ZNF483: variants seen among roughly 807,000 people sequenced by gnomAD.
ZNF483 encodes zinc finger protein HIT-10.
ZNF483 carries 9 observed loss-of-function variants against 28.6 expected under a neutral mutation model. That is an observed-to-expected ratio of 0.32 (90% confidence interval 0.19 to 0.55). ZNF483 has a LOEUF of 0.55. Ranked by LOEUF, ZNF483 falls within the 20% of genes least tolerant of loss-of-function variation. The probability of loss-of-function intolerance (pLI) is 0.93; values close to 1 mark genes in which losing one functional copy is unlikely to be tolerated. For missense variants in ZNF483, 675 were observed against 871.7 expected, an observed-to-expected ratio of 0.77 and a Z score of 2.84; for synonymous variants, 322 against 306.2, an observed-to-expected ratio of 1.05 and a Z score of -0.54.
At chr9:111,539,410 G>A (rs896532908) in intron 5 of ZNF483, 1 of 456,068 alleles carries the variant, frequency 2.2e-6, no homozygotes, top group Non-Finnish European at 4.4e-6. Flanking sequence ...CTACCCTTTG[G>A]TTTAGTAATT....
rs1234602999 is a variant in ZNF483 at position 111,541,904 on chromosome 9, C to T, written c.969C>T (p.Val323=). The change falls in exon 6 of 6, where the codon GTC becomes GTT. Residue 323 remains valine, a synonymous_variant. Transcript: ENST00000309235. The part of the protein sequence containing the change: ...ETSDLIKHLR[V]YLRKKSRRYN... The stretch of plus-strand genomic sequence containing the variant: ...CAGACTTAATTAAACATCTGAGAGT[C>T]TACTTGAGGAAGAAATCTCGGAGGT... 6.2e-7 allele frequency: 1 copy of T among 1,614,040 alleles called. No homozygotes were observed. The highest frequency in any genetic ancestry group is 1.1e-5 in the South Asian group (1 of 91,056).
chr9:111,525,949 T>C (rs2132205974), intron 1 of ZNF483, among the ~76,000 whole-genome samples: 1 of 152,312 alleles, frequency 6.6e-6, no homozygotes, highest in East Asian at 1.9e-4. Context: ...CCGCTCCGGC[T>C]GTATTGTCAT....
Position 111,552,539 on chromosome 9 carries a change from A to G in ZNF483, c.*9369A>G, listed in dbSNP as rs1297914983. 6.6e-6 allele frequency among the ~76,000 whole-genome samples: 1 copy of G among 152,204 alleles called. No homozygotes were observed. Among genetic ancestry groups the G allele is most frequent in the Non-Finnish European group, 1.5e-5 (1 of 68,024 alleles). On this transcript the variant is annotated 3_prime_UTR_variant, in exon 6 of 6. Transcript: ENST00000309235. Reference sequence around the variant, plus strand: ...GAGTTCCATCCTTGTGATAGAAACTAACTTTTCTGTCTCTAACTGAAATTC... The same window carrying G: ...GAGTTCCATCCTTGTGATAGAAACTGACTTTTCTGTCTCTAACTGAAATTC...
rs1162932491 is a variant in ZNF483 at position 111,547,244 on chromosome 9, A to G, written c.*4074A>G. ...TAACTTCTTGAGGAAGTGCAACTAC[A>G]CTATTTTAAATTCCCACCAGCTATG... is the stretch of plus-strand genomic sequence containing the variant. On this transcript the variant is annotated 3_prime_UTR_variant, in exon 6 of 6. Transcript: ENST00000309235. 6.6e-6 allele frequency among the ~76,000 whole-genome samples: 1 copy of G among 152,134 alleles called. No homozygotes were observed. Among genetic ancestry groups the G allele is most frequent in the Non-Finnish European group, 1.5e-5 (1 of 67,974 alleles).
rs1223799447 is a variant in ZNF483, at chr9:111,547,926, A to G, written c.*4756A>G. Among the ~76,000 whole-genome samples the G allele has an allele frequency of 6.6e-6, 1 of 152,174 alleles. No individual in the cohort carries two copies. The highest frequency in any genetic ancestry group is 1.5e-5 in the Non-Finnish European group (1 of 68,024). ...ATTCTTTGCACTCTTGTCAAAGATC[A>G]TTTGACCATATACATGCATGTTTAT... On this transcript the variant is annotated 3_prime_UTR_variant, in exon 6 of 6. Transcript: ENST00000309235.
chr9:111,536,283 G>T (rs560369040), intron 5 of ZNF483, among the ~76,000 whole-genome samples: 2 of 152,040 alleles, frequency 1.3e-5, no homozygotes, highest in South Asian at 2.1e-4. Context: ...ACTTTGGGAG[G>T]CTGAGGCAGG....
At chr9:111,569,355 T>G (rs1168420157) in intron 5 of ZNF483, among the ~76,000 whole-genome samples, 1 of 151,598 alleles carries the variant, frequency 6.6e-6, no homozygotes, top group Non-Finnish European at 1.5e-5. Context: ...AAACCAAGAG[T>G]TAAGGGAAGC....
At position 111,527,983 on chromosome 9, in the gene ZNF483, A is replaced by G. The variant is rs1589265225; in HGVS notation, c.412+176A>G. On this transcript the variant is annotated intron_variant, in intron 2 of 5. Coordinates refer to ENST00000309235, the MANE Select transcript of ZNF483 (RefSeq NM_133464.5). ...TTTTGGGCAAGCTGTGTAAACTCTC[A>G]GAATGTAAATATTTTTATCTGTTAA... 16 of 1,487,908 alleles carry G rather than the reference A, an allele frequency of 1.1e-5. No individual in the cohort carries two copies. In the East Asian group the frequency reaches 3.7e-4, roughly 34 times the overall value. 92.2% of individuals were successfully genotyped at this position (1,487,908 alleles called of 1,614,324 possible).
At chr9:111,530,463 A>G (rs1306811832) in intron 2 of ZNF483, among the ~76,000 whole-genome samples, 2 of 152,076 alleles carry the variant, frequency 1.3e-5, no homozygotes, top group East Asian at 3.9e-4. Flanking sequence ...GGGAACCCCA[A>G]TTTGTATCTT....
downstream of ZNF483, among the ~76,000 whole-genome samples, chr9:111,560,326 T>C (rs1828236039): frequency 6.6e-6 from 1 of 151,200 alleles, no homozygotes. Flanking sequence ...TACAAAAAAT[T>C]AGCCAGGCGT....
At chr9:111,561,601 C>A (rs1038394131) in intron 5 of ZNF483, among the ~76,000 whole-genome samples, 4 of 152,078 alleles carry the variant, frequency 2.6e-5, no homozygotes, top group Admixed American at 6.6e-5. Flanking sequence ...ATAAATCTTG[C>A]ACATTTTTGT....
In ZNF483 at chr9:111,554,025, C is replaced by T. The variant is rs972285832; in HGVS notation, c.*10855C>T. ...ATTGTGCAGTGTTTTTAAGCACTAGCCTAGAAACAGCTGAGAACCACAGGT... is the reference window on the plus strand; with the variant it reads ...ATTGTGCAGTGTTTTTAAGCACTAGTCTAGAAACAGCTGAGAACCACAGGT... On this transcript the variant is annotated 3_prime_UTR_variant, in exon 6 of 6. Transcript: ENST00000309235. Among the ~76,000 whole-genome samples the T allele has an allele frequency of 1.8e-4, 28 of 152,158 alleles. No homozygotes were observed. Among genetic ancestry groups the T allele is most frequent in the African/African-American group, 6.8e-4 (28 of 41,426 alleles).
chr9:111,531,689 T>G (rs145539915), intron 3 of ZNF483, among the ~76,000 whole-genome samples: 1 of 152,256 alleles, frequency 6.6e-6, no homozygotes, highest in Non-Finnish European at 1.5e-5. Context: ...CTTTTTTTCT[T>G]TTTAAGAGAT....
chr9:111,529,790 A>T (rs1827273917), intron 2 of ZNF483, among the ~76,000 whole-genome samples: 1 of 152,190 alleles, frequency 6.6e-6, no homozygotes, highest in East Asian at 1.9e-4. Context: ...TGTTTTAAAG[A>T]GTGGGACAAC....
Position 111,564,342 on chromosome 9 carries a change from G to C in ZNF483, c.722-12023G>C, listed in dbSNP as rs534777217. 2,680 of 565,308 alleles carry C rather than the reference G, an allele frequency of 4.7e-3. 14 individuals are homozygous for C. The highest frequency in any genetic ancestry group is 5.9e-3 in the Non-Finnish European group (2,522 of 427,214). The allele number at this position is 565,308 out of a possible 1,614,324, so 35.0% of individuals were successfully genotyped here. ...TTATTCTGAGACAGGGTCTCACTCT[G>C]TCACCTAGGTTTGAGTGCAGTGGCA... On this transcript the variant is annotated intron_variant, in intron 5 of 5. Coordinates refer to the ZNF483 transcript ENST00000358151.
chr9:111,555,819 G>T (rs1322263521), downstream of ZNF483, among the ~76,000 whole-genome samples: 1 of 152,206 alleles, frequency 6.6e-6, no homozygotes, highest in East Asian at 1.9e-4. Flanking sequence ...TAGTTCAACA[G>T]ATTTGGGTGG....
intron 5 of ZNF483, chr9:111,574,894 A>C (rs754026551): frequency 2.2e-6 from 3 of 1,373,024 alleles, no homozygotes; most frequent in Non-Finnish European, 3.1e-6. Flanking sequence ...CTAGAGATTC[A>C]GGAGAATCAT....
At chr9:111,536,840 A>G (rs933982885) in intron 5 of ZNF483, among the ~76,000 whole-genome samples, 4 of 151,988 alleles carry the variant, frequency 2.6e-5, no homozygotes, top group Non-Finnish European at 4.4e-5. Flanking sequence ...TGTGTTTTTT[A>G]TACTGTATTC....
Position 111,544,057 on chromosome 9 carries a change from G to A in ZNF483, c.*887G>A, listed in dbSNP as rs745605665. 1.8e-4 allele frequency: 174 copies of A among 985,210 alleles called. No homozygotes were observed. Among genetic ancestry groups the A allele is most frequent in the African/African-American group, 1.9e-4 (11 of 57,194 alleles). The allele number at this position is 985,210 out of a possible 1,614,324, so 61.0% of individuals were successfully genotyped here. ...TTTTCCTTGAGGGAGTATTTTAATC[G>A]GACAAGGGAACTCTTTTTCTTTTGG... On this transcript the variant is annotated 3_prime_UTR_variant, in exon 6 of 6. Transcript: ENST00000309235.
Sources: allele counts gnomAD v4.1 joint callset (sites outside exome capture counted in the v4.1 genomes callset), GRCh38; gene constraint gnomAD v4.1.1; transcripts MANE v1.5; gene names NCBI Gene and HGNC (gene_info 2026-07-23, HGNC 2026-07-21).